Variants in GJC1 observed in about 807,000 individuals in gnomAD.
The protein encoded by GJC1 is gap junction gamma-1 protein.
A neutral mutation model predicts 29.3 loss-of-function variants in GJC1; 5 were observed. That is an observed-to-expected ratio of 0.17 (90% CI 0.09 to 0.36). GJC1 has a LOEUF of 0.36. Ranked by LOEUF, GJC1 falls within the 10% of genes least tolerant of loss-of-function variation. The pLI is 1.00. For synonymous variants in GJC1, 177 were observed against 183.3 expected (o/e 0.97, Z 0.28); for missense variants, 310 against 496.2 (o/e 0.62, Z 3.56).
chr17:44,808,320 C>A (rs572481954), intron 1 of GJC1, among the ~76,000 whole-genome samples: 3 of 151,762 alleles, frequency 2.0e-5, no homozygotes, highest in African/African-American at 7.3e-5. Context: ...TAAGCCTGGG[C>A]AATATAGTGA....
At chr17:44,825,188 CAAAAAAAAAAAAAAAAA>C (rs1162077867) in intron 1 of GJC1, among the ~76,000 whole-genome samples, 2 of 45,978 alleles carry the variant, frequency 4.3e-5, no homozygotes, top group African/African-American at 1.0e-4. Flanking sequence ...GTCTCAATTA[CAAAAAAAAAAAAAAAAA>C]AAAAAAAAAA....
chr17:44,823,567 T>A lies in GJC1; in HGVS notation c.-97+6495A>T, dbSNP rs535554208. Among the ~76,000 whole-genome samples, 127 of 151,870 alleles carry A rather than the reference T, an allele frequency of 8.4e-4. 2 individuals are homozygous for A. Among genetic ancestry groups the A allele is most frequent in the African/African-American group, 2.2e-3 (91 of 41,420 alleles). ...ACCTAGCCTCTTTCCTCCTTTTTTTTAAAATTTCTTATTTTTGTAGAGACA... is the reference window on the plus strand; with the variant it reads ...ACCTAGCCTCTTTCCTCCTTTTTTTAAAAATTTCTTATTTTTGTAGAGACA... On this transcript the variant is annotated intron_variant, in intron 1 of 2. Transcript: ENST00000592524.
At chr17:44,810,634 G>A (rs1317911130) in intron 1 of GJC1, among the ~76,000 whole-genome samples, 4 of 152,014 alleles carry the variant, frequency 2.6e-5, no homozygotes, top group African/African-American at 9.7e-5. Context: ...CAACAACCAG[G>A]GGTTTTCTCC....
Position 44,802,553 on chromosome 17 carries a change from T to C in GJC1, c.*2074A>G, listed in dbSNP as rs1479239216. ...CTATTAATTACCCATGAGGTACATG[T>C]GTATTTCTGAAATTTCTCCTTCAGT... On this transcript the variant is annotated 3_prime_UTR_variant, in exon 3 of 3. Transcript: ENST00000592524. 1 of 152,236 alleles carries C rather than the reference T, an allele frequency of 6.6e-6. No individual in the cohort carries two copies. The highest frequency in any genetic ancestry group is 1.9e-4 in the East Asian group (1 of 5,206). The allele number at this position is 152,236 out of a possible 1,614,324, so 9.4% of individuals were successfully genotyped here.
intron 2 of GJC1, among the ~76,000 whole-genome samples, chr17:44,806,852 GATTT>G (rs1401573106): frequency 6.6e-6 from 1 of 152,004 alleles, no homozygotes; most frequent in African/African-American, 2.4e-5. Context: ...GTGAAGGGGT[GATTT>G]ATTAGGAAAC....
At chr17:44,815,718 A>G (rs2145337567) in intron 1 of GJC1, among the ~76,000 whole-genome samples, 1 of 152,260 alleles carries the variant, frequency 6.6e-6, no homozygotes, top group Non-Finnish European at 1.5e-5. Flanking sequence ...TAGTATAGAC[A>G]TTGATTAATT....
chr17:44,827,135 C>T (rs957546361), intron 1 of GJC1, among the ~76,000 whole-genome samples: 2 of 152,096 alleles, frequency 1.3e-5, no homozygotes, highest in African/African-American at 4.8e-5. Context: ...CATGGTGAAA[C>T]CCCGTCTCTA....
downstream of GJC1, among the ~76,000 whole-genome samples, chr17:44,797,404 GTAGTCCAA>G (rs2049790564): frequency 6.6e-6 from 1 of 152,172 alleles, no homozygotes; most frequent in African/African-American, 2.4e-5. Flanking sequence ...CTTCTAACAA[GTAGTCCAA>G]TGGTCCAATG....
intron 2 of GJC1, among the ~76,000 whole-genome samples, chr17:44,807,192 G>C (rs2049922353): frequency 6.6e-6 from 1 of 152,042 alleles, no homozygotes; most frequent in African/African-American, 2.4e-5. Flanking sequence ...GCATTTTAAA[G>C]GACAGATTCT....
chr17:44,823,814 C>A (rs913535423), intron 1 of GJC1, among the ~76,000 whole-genome samples: 10 of 151,188 alleles, frequency 6.6e-5, no homozygotes, highest in African/African-American at 2.4e-4. Context: ...CAGGTTCAAG[C>A]GATTCTCCTG....
rs2049842754 is a variant in GJC1 at position 44,801,378 on chromosome 17, T to TA, written c.*3248_*3249insT. ...TTGATTGTATCCTGATTCTAGCAGG[T>TA]GAAGGACTAAGCACTCAACTTGTAT... is the stretch of plus-strand genomic sequence containing the variant. On this transcript the variant is annotated 3_prime_UTR_variant, in exon 3 of 3. Coordinates refer to ENST00000592524, the MANE Select transcript of GJC1 (RefSeq NM_005497.4). 6.6e-6 allele frequency: 1 copy of TA among 152,178 alleles called. No homozygotes were observed. The highest frequency in any genetic ancestry group is 1.5e-5 in the Non-Finnish European group (1 of 68,038). The allele number at this position is 152,178 out of a possible 1,614,324, so 9.4% of individuals were successfully genotyped here.
At chr17:44,819,299 G>A (rs1001695338) in intron 1 of GJC1, among the ~76,000 whole-genome samples, 3 of 152,014 alleles carry the variant, frequency 2.0e-5, no homozygotes, top group African/African-American at 7.3e-5. Context: ...TTGTCTTTTT[G>A]TGTCTGGCTT....
At chr17:44,829,563 C>T (rs951190117) in intron 1 of GJC1, 4 of 152,166 alleles carry the variant, frequency 2.6e-5, no homozygotes, top group African/African-American at 9.6e-5. Flanking sequence ...TGCGGGAAGC[C>T]TCAGACGAGC....
At chr17:44,809,837 G>A (rs558319887) in intron 1 of GJC1, among the ~76,000 whole-genome samples, 1 of 151,566 alleles carries the variant, frequency 6.6e-6, no homozygotes, top group South Asian at 2.1e-4. Flanking sequence ...GAAGTGCTGG[G>A]ATTACAGGCG....
intron 1 of GJC1, among the ~76,000 whole-genome samples, chr17:44,813,772 C>T (rs556721947): frequency 2.3e-4 from 35 of 152,184 alleles, no homozygotes; most frequent in African/African-American, 7.7e-4. Flanking sequence ...AGATTACAGG[C>T]GTGAGTCACC....
At chr17:44,806,686 G>A (rs1301376922) in intron 2 of GJC1, among the ~76,000 whole-genome samples, 1 of 151,914 alleles carries the variant, frequency 6.6e-6, no homozygotes, top group Non-Finnish European at 1.5e-5. Context: ...ACCATGCCTG[G>A]CCAGACCTAG....
chr17:44,799,566 A>T lies in GJC1; in HGVS notation c.*5061T>A, dbSNP rs2049817136. 1.3e-5 allele frequency: 2 copies of T among 152,190 alleles called. No homozygotes were observed. The highest frequency in any genetic ancestry group is 4.2e-4 in the South Asian group (2 of 4,816). The allele number at this position is 152,190 out of a possible 1,614,324, so 9.4% of individuals were successfully genotyped here. A position where few individuals can be genotyped will look rare whatever the true frequency, so the allele number is the denominator to read the frequency against. On this transcript the variant is annotated 3_prime_UTR_variant, in exon 3 of 3. Coordinates refer to ENST00000592524, the MANE Select transcript of GJC1 (RefSeq NM_005497.4). ...ATACCATGGTTTCTTTTAAAAAAAA[A>T]AAAAAGTACGATTATTAACACTGAT... is the stretch of plus-strand genomic sequence containing the variant.
rs2049818122 is a variant in GJC1, at chr17:44,799,639, C to T, written c.*4988G>A. 6.6e-6 allele frequency: 1 copy of T among 152,122 alleles called. No homozygotes were observed. The highest frequency in any genetic ancestry group is 2.4e-5 in the African/African-American group (1 of 41,392). The allele number at this position is 152,122 out of a possible 1,614,324, so 9.4% of individuals were successfully genotyped here. On this transcript the variant is annotated 3_prime_UTR_variant, in exon 3 of 3. Coordinates refer to ENST00000592524, the MANE Select transcript of GJC1 (RefSeq NM_005497.4). Reference sequence around the variant, plus strand: ...ACTTAATATCATTATTAAAAACAGGCTGGGCACAGTGGCTTATGCCTGTAA... The same window carrying T: ...ACTTAATATCATTATTAAAAACAGGTTGGGCACAGTGGCTTATGCCTGTAA...
chr17:44,806,295 C>G (rs555856782), intron 2 of GJC1, among the ~76,000 whole-genome samples: 1 of 151,990 alleles, frequency 6.6e-6, no homozygotes. Context: ...GTTGGCCCCA[C>G]AAGGTCCCAG....
Sources: gnomAD v4.1 joint callset for allele counts (sites outside exome capture counted in the v4.1 genomes callset) on GRCh38, gnomAD v4.1.1 for gene constraint, MANE v1.5 for transcripts, NCBI Gene and HGNC (gene_info 2026-07-23, HGNC 2026-07-21) for gene names.